Variants in ZFHX3 observed in about 807,000 individuals in gnomAD.
ZFHX3 encodes zinc finger homeobox 3, also known as zinc finger homeobox protein 3.
ZFHX3 carries 42 observed loss-of-function variants against 279.1 expected under a neutral mutation model. The observed-to-expected ratio is 0.15, with a 90% confidence interval of 0.12 to 0.19. The LOEUF is 0.19. Among genes scored for constraint, ZFHX3 ranks in the 10% least tolerant of loss-of-function variants. The pLI is 1.00. For missense variants in ZFHX3, 4,981 were observed against 4,754.0 expected, an observed-to-expected ratio of 1.05 and a Z score of -1.40; for synonymous variants, 2,293 against 1,957.8, an observed-to-expected ratio of 1.17 and a Z score of -4.52.
chr16:73,745,396 C>T (rs1290658266), intron 1 of ZFHX3, among the ~76,000 whole-genome samples: 1 of 152,150 alleles, frequency 6.6e-6, no homozygotes, highest in African/African-American at 2.4e-5. Context: ...AATCAAGAGT[C>T]ACTCATGGTC....
chr16:73,612,034 T>A (rs1376143153), intron 2 of ZFHX3, among the ~76,000 whole-genome samples: 9 of 152,224 alleles, frequency 5.9e-5, no homozygotes, highest in Non-Finnish European at 7.3e-5. Context: ...CATGTTTTTT[T>A]AGTTTATAAA....
At chr16:73,627,731 A>G (rs2052431719) in intron 2 of ZFHX3, among the ~76,000 whole-genome samples, 1 of 152,202 alleles carries the variant, frequency 6.6e-6, no homozygotes, top group Admixed American at 6.5e-5. Flanking sequence ...ATCCTGGCTA[A>G]CATGGTGAAA....
chr16:73,259,794 A>C (rs1016795810), intron 4 of ZFHX3, among the ~76,000 whole-genome samples: 1 of 152,236 alleles, frequency 6.6e-6, no homozygotes, highest in African/African-American at 2.4e-5. Context: ...ATGTGCATGT[A>C]TATTATATGC....
intron 3 of ZFHX3, among the ~76,000 whole-genome samples, chr16:73,328,184 T>G (rs1257350041): frequency 1.3e-5 from 2 of 152,174 alleles, no homozygotes; most frequent in East Asian, 3.8e-4. Context: ...CCATCTGTAG[T>G]GCGTATTATA....
chr16:72,910,066 C>T (rs888789836), intron 3 of ZFHX3, among the ~76,000 whole-genome samples: 1 of 152,096 alleles, frequency 6.6e-6, no homozygotes, highest in Non-Finnish European at 1.5e-5. Context: ...CGTCAGTGTG[C>T]TCAGTCACAG....
At chr16:73,055,858 A>T (rs1242227106) in intron 1 of ZFHX3, among the ~76,000 whole-genome samples, 1 of 151,496 alleles carries the variant, frequency 6.6e-6, no homozygotes, top group Non-Finnish European at 1.5e-5. Context: ...ACACACACAC[A>T]CACACACACA....
In ZFHX3 at chr16:72,783,830, C is replaced by T. The variant is rs908274865; in HGVS notation, c.*3334G>A. The T allele has an allele frequency of 6.6e-6, 1 of 152,144 alleles. No homozygotes were observed. The highest frequency in any genetic ancestry group is 2.4e-5 in the African/African-American group (1 of 41,442). The allele number at this position is 152,144 out of a possible 1,614,324, so 9.4% of individuals were successfully genotyped here. ...ACAATGCAGCAGACAGGAATAAATT[C>T]CCCAAGTGAGATAAAGCTAAACAAA... On this transcript the variant is annotated 3_prime_UTR_variant, in exon 10 of 10. Transcript: ENST00000268489.
At chr16:73,784,689 G>A (rs1017907076) in intron 1 of ZFHX3, among the ~76,000 whole-genome samples, 1 of 151,766 alleles carries the variant, frequency 6.6e-6, no homozygotes, top group South Asian at 2.1e-4. Flanking sequence ...AGAGGTTGCA[G>A]TGAGCCAAGA....
intron 3 of ZFHX3, among the ~76,000 whole-genome samples, chr16:73,430,279 AATTAACAATGAATCC>A (rs1168391415): frequency 6.6e-6 from 1 of 152,140 alleles, no homozygotes; most frequent in African/African-American, 2.4e-5. Flanking sequence ...TTTGCATTTC[AATTAACAATGAATCC>A]ATTTAATTAA....
At chr16:73,486,924 G>GT (rs1243141561) in intron 2 of ZFHX3, 8 of 451,562 alleles carry the variant, frequency 1.8e-5, no homozygotes, top group African/African-American at 1.6e-4. Flanking sequence ...TCTTTCCACT[G>GT]TAAGGCCAAG....
At chr16:73,596,883 G>C (rs11864752) in intron 2 of ZFHX3, among the ~76,000 whole-genome samples, 146,075 of 152,282 alleles carry the variant, frequency 0.96, 70,121 homozygotes, top group East Asian at 1. Flanking sequence ...ATGAAGGCAT[G>C]CTACACTCTT....
chr16:72,851,004 A>G (rs1179952956), intron 4 of ZFHX3, among the ~76,000 whole-genome samples: 1 of 152,170 alleles, frequency 6.6e-6, no homozygotes, highest in Non-Finnish European at 1.5e-5. Flanking sequence ...GCTGCGGTGC[A>G]GGGACATAAT....
intron 6 of ZFHX3, 51 bp from the exon 7 acceptor site, chr16:72,811,828 G>T (rs779374730): frequency 2.7e-6 from 2 of 737,938 alleles, no homozygotes; most frequent in South Asian, 1.4e-5. Context: ...CCCCAAGCCC[G>T]CCCACCCAAA....
At position 73,111,646 on chromosome 16, in the gene ZFHX3, GAGAGGAAGGAAGGAAGGAGAGAGCGAA is replaced by G. The variant is rs1338995709; in HGVS notation, c.-896-18075_-896-18049del. On this transcript the variant is annotated intron_variant, in intron 7 of 17. Transcript: ENST00000641206. ...GAGAGAGAGAAAGAAGAGAGAGAAA[GAGAGGAAGGAAGGAAGGAGAGAGCGAA>G]AGAGAGGAAGGAAGGAAGGAGAGAG... Among the ~76,000 whole-genome samples, 576 of 68,700 alleles carry G rather than the reference GAGAGGAAGGAAGGAAGGAGAGAGCGAA, an allele frequency of 8.4e-3. 1 individual carries two copies. The highest frequency in any genetic ancestry group is 0.012 in the Non-Finnish European group (383 of 33,128). 45.1% of individuals were successfully genotyped at this position (68,700 alleles called of 152,430 possible). A position where few individuals can be genotyped will look rare whatever the true frequency, so the allele number is the denominator to read the frequency against.
rs114724359 is a variant in ZFHX3, at chr16:73,736,772, G to A, written c.-1607-56532C>T. ...TCAGCCACTCCATTCATTTAGGGAT[G>A]CATTCTGGCACAATGGGAAGACAGT... On this transcript the variant is annotated intron_variant, in intron 1 of 17. Transcript: ENST00000641206. 2.2e-3 allele frequency among the ~76,000 whole-genome samples: 333 copies of A among 152,330 alleles called. 2 individuals carry two copies. The highest frequency in any genetic ancestry group is 7.5e-3 in the African/African-American group (312 of 41,580).
rs749444523 is a variant in ZFHX3, at chr16:72,957,490, A to G, written c.2656T>C (p.Phe886Leu). The G allele has an allele frequency of 6.2e-7, 1 of 1,614,140 alleles. No individual in the cohort carries two copies. The highest frequency in any genetic ancestry group is 8.5e-7 in the Non-Finnish European group (1 of 1,180,016). The stretch of plus-strand genomic sequence containing the variant: ...TCCAGCTGGAATCCGCTCATCATGA[A>G]CTGGGCGTCCGAGGCAGCACTGTCC... The part of the protein sequence containing the change: ...KMDSAASDAQ[F>L]MMSGFQLDPA... The change falls in exon 2 of 10, where the codon TTC becomes CTC. Residue 886 changes from phenylalanine (F) to leucine (L), a missense_variant. Around this residue, in one of 7 missense-constraint regions of ZFHX3, gnomAD observed 1,751 missense variants for 1,770.0 expected, o/e 0.99. Transcript: ENST00000268489.
chr16:73,419,142 A>G (rs1309975009), intron 3 of ZFHX3, among the ~76,000 whole-genome samples: 1 of 152,260 alleles, frequency 6.6e-6, no homozygotes, highest in African/African-American at 2.4e-5. Context: ...TGTGTTCTGT[A>G]CAAGCAAGAT....
chr16:73,438,606 C>T (rs757106055), intron 3 of ZFHX3, among the ~76,000 whole-genome samples: 2 of 152,166 alleles, frequency 1.3e-5, no homozygotes, highest in Non-Finnish European at 2.9e-5. Flanking sequence ...TGCATTGCCT[C>T]TGGATTGTAC....
intron 4 of ZFHX3, among the ~76,000 whole-genome samples, chr16:72,866,629 C>T (rs2038030835): frequency 6.6e-6 from 1 of 152,142 alleles, no homozygotes; most frequent in Admixed American, 6.5e-5. Flanking sequence ...AGCCCCCAGT[C>T]TTCACTGAGT....
Sources: allele counts gnomAD v4.1 joint callset (sites outside exome capture counted in the v4.1 genomes callset), GRCh38; gene constraint gnomAD v4.1.1; regional missense constraint gnomAD v4.1.1; transcripts MANE v1.5; gene names NCBI Gene and HGNC (gene_info 2026-07-23, HGNC 2026-07-21).